The following KLRG2 variants were observed in gnomAD, a reference collection of about 807,000 sequenced individuals.
KLRG2 encodes the protein killer cell lectin-like receptor subfamily G member 2.
In KLRG2, 39 loss-of-function variants were observed where a neutral mutation model predicts 35.4. The ratio of observed to expected loss-of-function variants is 1.10; its 90% CI spans 0.85 to 1.44. KLRG2 has a LOEUF of 1.44. KLRG2 is among the 40% of genes most tolerant of loss of function. The pLI, the probability that KLRG2 is intolerant of heterozygous loss-of-function variation, is 0.00. For synonymous variants in KLRG2, 283 were observed against 265.8 expected, an observed-to-expected ratio of 1.06 and a Z score of -0.63; for missense variants, 632 against 570.9, an observed-to-expected ratio of 1.11 and a Z score of -1.09.
chr7:139,455,524 T>C (rs1484635413), intron 3 of KLRG2, among the ~76,000 whole-genome samples: 1 of 152,056 alleles, frequency 6.6e-6, no homozygotes, highest in Non-Finnish European at 1.5e-5. Context: ...GGTTTCACCG[T>C]GTTAGCCAAG....
the KLRG2 span, among the ~76,000 whole-genome samples, chr7:139,446,894 A>C: frequency 1.3e-5 from 2 of 152,138 alleles, no homozygotes; most frequent in Non-Finnish European, 1.5e-5. Context: ...ATCTCATTTG[A>C]AGATCCTTAA....
chr7:139,445,765 ATG>A, the KLRG2 span, among the ~76,000 whole-genome samples: 4 of 118,752 alleles, frequency 3.4e-5, no homozygotes, highest in Admixed American at 7.6e-5. Flanking sequence ...ATATATGTGT[ATG>A]TATATATATA....
downstream of KLRG2, among the ~76,000 whole-genome samples, chr7:139,448,150 C>T (rs1420147722): frequency 6.6e-6 from 1 of 152,084 alleles, no homozygotes; most frequent in Non-Finnish European, 1.5e-5. Flanking sequence ...TGGGGGCCAC[C>T]ACGCCCAGCT....
chr7:139,429,978 ATG>A, the KLRG2 span, among the ~76,000 whole-genome samples: 4 of 151,926 alleles, frequency 2.6e-5, no homozygotes, highest in African/African-American at 9.7e-5. Context: ...CCCCCCCCAT[ATG>A]GGTGTTTTTA....
chr7:139,456,720 C>G (rs1366965286), intron 3 of KLRG2, among the ~76,000 whole-genome samples: 1 of 152,180 alleles, frequency 6.6e-6, no homozygotes, highest in Non-Finnish European at 1.5e-5. Context: ...CCTCTGGGCT[C>G]AAGCGATGCT....
At chr7:139,460,949 C>T (rs555120899) in intron 3 of KLRG2, among the ~76,000 whole-genome samples, 3 of 151,436 alleles carry the variant, frequency 2.0e-5, no homozygotes, top group African/African-American at 4.9e-5. Flanking sequence ...GGTGACAGAG[C>T]GAGACTCTGT....
At chr7:139,444,199 C>G in the KLRG2 span, among the ~76,000 whole-genome samples, 1 of 152,310 alleles carries the variant, frequency 6.6e-6, no homozygotes. Flanking sequence ...TCTGCCTCTT[C>G]CAGTCCACTG....
chr7:139,469,345 A>G lies in KLRG2; in HGVS notation c.1005+10282T>C, dbSNP rs971405504. On this transcript the variant is annotated intron_variant, in intron 3 of 4. Transcript: ENST00000340940. ...CAACTAAGTTTTGTATTTTTAGTAG[A>G]GACGGGGTTTCACCATGTTGCCCAG... Among the ~76,000 whole-genome samples the G allele has an allele frequency of 3.3e-5, 5 of 152,048 alleles. No homozygotes were observed. The East Asian group carries it at 9.6e-4, about 29-fold the overall frequency.
At chr7:139,435,649 C>T in the KLRG2 span, among the ~76,000 whole-genome samples, 26,550 of 152,194 alleles carry the variant, frequency 0.17, 2,394 homozygotes, top group Middle Eastern at 0.28. Flanking sequence ...ATCTCTCTAG[C>T]ATGAGCTTTA....
chr7:139,446,342 T>G, the KLRG2 span, among the ~76,000 whole-genome samples: 16 of 144,826 alleles, frequency 1.1e-4, no homozygotes, highest in African/African-American at 3.8e-4. Flanking sequence ...CAGGGTTTTT[T>G]TTTTTTTTTT....
At chr7:139,435,951 G>A in the KLRG2 span, among the ~76,000 whole-genome samples, 1 of 151,534 alleles carries the variant, frequency 6.6e-6, no homozygotes, top group African/African-American at 2.4e-5. Flanking sequence ...ACCCAGGCTG[G>A]AGTGCAATGG....
At position 139,453,445 on chromosome 7, in the gene KLRG2, G is replaced by A. The variant is rs1796403532; in HGVS notation, c.*142C>T. 2 of 817,502 alleles carry A rather than the reference G, an allele frequency of 2.4e-6. No homozygotes were observed. Among genetic ancestry groups the A allele is most frequent in the Non-Finnish European group, 3.7e-6 (2 of 533,892 alleles). 50.6% of individuals were successfully genotyped at this position (817,502 alleles called of 1,614,324 possible). On this transcript the variant is annotated 3_prime_UTR_variant, in exon 5 of 5. Coordinates refer to ENST00000340940, the MANE Select transcript of KLRG2 (RefSeq NM_198508.4). Reference sequence around the variant, plus strand: ...TCCTGGGTTGAAGTCCAGCTCCTAGGCTCGCTCATGTGGCCCCCTTGAGCA... The same window carrying A: ...TCCTGGGTTGAAGTCCAGCTCCTAGACTCGCTCATGTGGCCCCCTTGAGCA...
the KLRG2 span, among the ~76,000 whole-genome samples, chr7:139,443,846 A>G: frequency 6.6e-6 from 1 of 152,186 alleles, no homozygotes; most frequent in Non-Finnish European, 1.5e-5. Flanking sequence ...GACTCGTACT[A>G]TCACTAGGTT....
chr7:139,446,412 C>T, the KLRG2 span, among the ~76,000 whole-genome samples: 5 of 143,400 alleles, frequency 3.5e-5, no homozygotes, highest in African/African-American at 7.6e-5. Context: ...AGCTCAGTCT[C>T]GGCTCACTCC....
At chr7:139,449,849 A>G (rs184272489), downstream of KLRG2, among the ~76,000 whole-genome samples, 752 of 149,548 alleles carry the variant, frequency 5.0e-3, 2 homozygotes, top group African/African-American at 0.014. Flanking sequence ...ACAGGCGCCC[A>G]CCACCACGCT....
intron 3 of KLRG2, among the ~76,000 whole-genome samples, chr7:139,468,287 TTGTCTC>T (rs1229495528): frequency 3.3e-5 from 5 of 151,932 alleles, no homozygotes; most frequent in Non-Finnish European, 5.9e-5. Flanking sequence ...TCTCTATACT[TTGTCTC>T]TGTGTCTTTT....
chr7:139,468,755 A>G (rs1403751538), intron 3 of KLRG2, among the ~76,000 whole-genome samples: 1 of 152,178 alleles, frequency 6.6e-6, no homozygotes, highest in Non-Finnish European at 1.5e-5. Flanking sequence ...GTGTGACGGG[A>G]TGAATTCTGT....
intron 3 of KLRG2, among the ~76,000 whole-genome samples, chr7:139,472,312 T>C (rs1796770721): frequency 6.6e-6 from 1 of 151,366 alleles, no homozygotes; most frequent in African/African-American, 2.4e-5. Context: ...CCACAAGAGA[T>C]TAAAAGGAGA....
chr7:139,462,861 T>C (rs1796590155), intron 3 of KLRG2, among the ~76,000 whole-genome samples: 1 of 152,112 alleles, frequency 6.6e-6, no homozygotes, highest in African/African-American at 2.4e-5. Context: ...ACCCCAAGCA[T>C]TGCTGAGTCT....
Sources: gnomAD v4.1 joint callset for allele counts (sites outside exome capture counted in the v4.1 genomes callset) on GRCh38, gnomAD v4.1.1 for gene constraint, MANE v1.5 for transcripts, NCBI Gene and HGNC (gene_info 2026-07-23, HGNC 2026-07-21) for gene names.